The following FSCN2 variants were observed in gnomAD, a reference collection of about 807,000 sequenced individuals.
FSCN2 encodes the protein fascin-2.
In FSCN2, 46 loss-of-function variants were observed where a neutral mutation model predicts 37.8. The ratio of observed to expected loss-of-function variants is 1.22; its 90% CI spans 0.96 to 1.56. FSCN2 has a LOEUF of 1.56. Ranked by LOEUF, FSCN2 falls within the 40% of genes most tolerant of loss-of-function variation. FSCN2 has a pLI of 0.00. For missense variants in FSCN2, 844 were observed against 730.4 expected, an observed-to-expected ratio of 1.16 and a Z score of -1.79; for synonymous variants, 351 against 309.4, an observed-to-expected ratio of 1.13 and a Z score of -1.41.
chr17:81,535,908 G>A (rs1239966502), intron 2 of FSCN2, among the ~76,000 whole-genome samples: 5 of 113,668 alleles, frequency 4.4e-5, no homozygotes, highest in African/African-American at 6.7e-5. Context: ...CCCCACCACC[G>A]TTCCCATCAC....
At chr17:81,518,347 G>C in the FSCN2 span, among the ~76,000 whole-genome samples, 1 of 57,090 alleles carries the variant, frequency 1.8e-5, no homozygotes, top group African/African-American at 6.5e-5. Flanking sequence ...TGAAGCTGGT[G>C]CCCCTGTACC....
In FSCN2 at chr17:81,528,469, C is replaced by CG. The variant is rs1406026209; in HGVS notation, c.-58dup. 3 of 1,282,406 alleles carry CG rather than the reference C, an allele frequency of 2.3e-6. No homozygotes were observed. The East Asian group carries it at 7.6e-5, about 33-fold the overall frequency. 79.4% of individuals were successfully genotyped at this position (1,282,406 alleles called of 1,614,324 possible). ...GCCGACCCGGGCTTCTGGGGGACCG[C>CG]GGGGGCCGTGAGCACTCAGAGGGCG... On this transcript the variant is annotated 5_prime_UTR_variant, in exon 1 of 5. Transcript: ENST00000417245.
At position 81,531,507 on chromosome 17, in the gene FSCN2, G is replaced by A. The variant is rs796896052; in HGVS notation, c.826+2150G>A. 3.1e-3 allele frequency among the ~76,000 whole-genome samples: 366 copies of A among 119,590 alleles called. 1 individual carries two copies. The highest frequency in any genetic ancestry group is 0.014 in the African/African-American group (309 of 22,804). 78.5% of individuals were successfully genotyped at this position (119,590 alleles called of 152,430 possible). A position where few individuals can be genotyped will look rare whatever the true frequency, so the allele number is the denominator to read the frequency against. ...GGTGATGATGGTGATGGTGATGGTG[G>A]TGATGGTGATGGTGGTGATGGCGAT... is the stretch of plus-strand genomic sequence containing the variant. On this transcript the variant is annotated intron_variant, in intron 1 of 4. Transcript: ENST00000417245.
At chr17:81,519,751 G>T in the FSCN2 span, among the ~76,000 whole-genome samples, 1 of 152,188 alleles carries the variant, frequency 6.6e-6, no homozygotes, top group Non-Finnish European at 1.5e-5. Flanking sequence ...CCGTGGCAGT[G>T]GATGAGGGGG....
At chr17:81,517,332 C>T in the FSCN2 span, among the ~76,000 whole-genome samples, 1 of 152,162 alleles carries the variant, frequency 6.6e-6, no homozygotes, top group Admixed American at 6.5e-5. Context: ...TGCCACGTGA[C>T]CTCTCTGTAC....
chr17:81,532,533 ATAGTGATGGTGG>A (rs1467535781), intron 1 of FSCN2, among the ~76,000 whole-genome samples: 62 of 116,464 alleles, frequency 5.3e-4, no homozygotes, highest in Admixed American at 8.6e-4. Flanking sequence ...GATGATGATG[ATAGTGATGGTGG>A]TGATGGTGAT....
intron 1 of FSCN2, among the ~76,000 whole-genome samples, chr17:81,531,779 G>C (rs2032632583): frequency 7.0e-6 from 1 of 143,178 alleles, no homozygotes; most frequent in Admixed American, 6.8e-5. Context: ...TGATAGTGAT[G>C]GTGATGATGG....
upstream of FSCN2, among the ~76,000 whole-genome samples, chr17:81,525,805 A>T (rs1337371403): frequency 2.0e-5 from 3 of 152,240 alleles, no homozygotes; most frequent in African/African-American, 7.2e-5. Context: ...GCTGTGTGCC[A>T]GAAATTTTGC....
chr17:81,518,670 T>C, the FSCN2 span, among the ~76,000 whole-genome samples: 1 of 152,086 alleles, frequency 6.6e-6, no homozygotes, highest in Non-Finnish European at 1.5e-5. Flanking sequence ...GCAGATGTCT[T>C]GTCCAGTGTG....
chr17:81,515,746 G>A, the FSCN2 span, among the ~76,000 whole-genome samples: 14 of 152,236 alleles, frequency 9.2e-5, no homozygotes, highest in African/African-American at 3.1e-4. Flanking sequence ...CCACCTGGCC[G>A]GCTACTTGTC....
the FSCN2 span, among the ~76,000 whole-genome samples, chr17:81,519,409 G>C: frequency 6.6e-6 from 1 of 152,210 alleles, no homozygotes; most frequent in East Asian, 1.9e-4. Flanking sequence ...CAGCGGGGAC[G>C]CACCCCCAGG....
chr17:81,524,879 A>G (rs2032299963), upstream of FSCN2, among the ~76,000 whole-genome samples: 1 of 122,212 alleles, frequency 8.2e-6, no homozygotes, highest in South Asian at 3.0e-4. Context: ...GCCCACCCTC[A>G]TCCATGAGCA....
intron 1 of FSCN2, among the ~76,000 whole-genome samples, chr17:81,530,334 G>A (rs1264958749): frequency 9.2e-5 from 14 of 152,234 alleles, no homozygotes; most frequent in Admixed American, 1.3e-4. Context: ...CCAGTGGGGC[G>A]TGGCCTGGCT....
chr17:81,520,388 G>T, the FSCN2 span, among the ~76,000 whole-genome samples: 1 of 152,156 alleles, frequency 6.6e-6, no homozygotes, highest in African/African-American at 2.4e-5. Flanking sequence ...AATCACCCTG[G>T]GGAGCCCCCT....
upstream of FSCN2, chr17:81,527,000 C>T (rs1387945554): frequency 6.6e-6 from 1 of 152,298 alleles, no homozygotes; most frequent in Non-Finnish European, 1.5e-5. Context: ...CACCCTGGCC[C>T]CTGAGCGTGG....
intron 1 of FSCN2, among the ~76,000 whole-genome samples, chr17:81,531,213 G>GGTGATGGTGGTGATGA (rs2032544354): frequency 7.3e-6 from 1 of 136,520 alleles, no homozygotes; most frequent in Admixed American, 7.1e-5. Flanking sequence ...GGTGGTGATG[G>GGTGATGGTGGTGATGA]TGGTGATGGT....
intron 1 of FSCN2, chr17:81,530,234 G>T (rs991354827): frequency 6.2e-5 from 17 of 275,762 alleles, no homozygotes; most frequent in South Asian, 4.2e-4. Context: ...GGAGTGGGGG[G>T]GCTTAAGGTC....
chr17:81,526,777 C>T (rs1400923092), upstream of FSCN2, among the ~76,000 whole-genome samples: 2 of 152,178 alleles, frequency 1.3e-5, no homozygotes, highest in Non-Finnish European at 2.9e-5. Context: ...GTGTGGGCAT[C>T]GTCTCTGGGA....
intron 1 of FSCN2, among the ~76,000 whole-genome samples, chr17:81,531,419 GATA>G (rs1598573561): frequency 1.2e-4 from 13 of 110,258 alleles, no homozygotes; most frequent in South Asian, 2.9e-4. Context: ...TGGTGGTGGT[GATA>G]GTGATGATGG....
Sources: allele counts gnomAD v4.1 joint callset (sites outside exome capture counted in the v4.1 genomes callset), GRCh38; gene constraint gnomAD v4.1.1; transcripts MANE v1.5; gene names NCBI Gene and HGNC (gene_info 2026-07-23, HGNC 2026-07-21).